The following EXOC4 variants were observed in gnomAD, a reference collection of about 807,000 sequenced individuals.
The protein encoded by EXOC4 is SEC8-like 1.
Under a neutral mutation model 107.2 loss-of-function variants are expected in EXOC4, and 71 were observed. That is an observed-to-expected ratio of 0.66 (90% CI 0.55 to 0.81). The LOEUF (loss-of-function observed/expected upper bound fraction) is 0.81. Ranked by LOEUF, EXOC4 falls within the 30% of genes least tolerant of loss-of-function variation. The pLI, the probability that EXOC4 is intolerant of heterozygous loss-of-function variation, is 0.00. For synonymous variants in EXOC4, 456 were observed against 441.2 expected, an observed-to-expected ratio of 1.03 and a Z score of -0.42; for missense variants, 1,108 against 1,189.6, an observed-to-expected ratio of 0.93 and a Z score of 1.01.
intron 14 of EXOC4, among the ~76,000 whole-genome samples, chr7:133,948,874 CAACAT>C (rs1038810201): frequency 2.0e-5 from 3 of 152,184 alleles, no homozygotes; most frequent in African/African-American, 7.2e-5. Context: ...TCTGGAAAAA[CAACAT>C]AATCACCTAT....
chr7:133,939,198 G>A (rs932182987), intron 14 of EXOC4, among the ~76,000 whole-genome samples: 2 of 152,134 alleles, frequency 1.3e-5, no homozygotes, highest in Non-Finnish European at 2.9e-5. Context: ...ACATTATTTG[G>A]ACTGTACATG....
intron 13 of EXOC4, among the ~76,000 whole-genome samples, chr7:133,929,857 C>T (rs73156941): frequency 0.027 from 4,103 of 152,204 alleles, 79 homozygotes; most frequent in Non-Finnish European, 0.044. Context: ...CATTCCTCAT[C>T]CCTTCTCTTC....
chr7:133,744,447 C>T (rs1795633385), intron 10 of EXOC4, among the ~76,000 whole-genome samples: 1 of 152,082 alleles, frequency 6.6e-6, no homozygotes, highest in Admixed American at 6.6e-5. Flanking sequence ...TAAAAGAAAG[C>T]CTCTCTAGGG....
intron 7 of EXOC4, among the ~76,000 whole-genome samples, chr7:133,432,532 C>T (rs982167548): frequency 6.6e-6 from 1 of 152,010 alleles, no homozygotes; most frequent in African/African-American, 2.4e-5. Flanking sequence ...TATTCCTCTC[C>T]CCCCTTTATA....
chr7:133,619,865 A>G (rs1015077940), intron 9 of EXOC4, among the ~76,000 whole-genome samples: 2 of 152,132 alleles, frequency 1.3e-5, no homozygotes, highest in African/African-American at 4.8e-5. Flanking sequence ...ATGCCTTCTC[A>G]ATGATTCTTT....
chr7:133,352,385 C>T (rs561229699), intron 5 of EXOC4, among the ~76,000 whole-genome samples: 2 of 152,032 alleles, frequency 1.3e-5, no homozygotes, highest in East Asian at 1.9e-4. Flanking sequence ...TATCTTCTTA[C>T]TGTGTTGAGC....
intron 10 of EXOC4, among the ~76,000 whole-genome samples, chr7:133,738,875 T>C (rs575007635): frequency 1.1e-4 from 17 of 152,256 alleles, no homozygotes; most frequent in African/African-American, 3.1e-4. Flanking sequence ...CTGAAATGAA[T>C]ATGCTCTAGA....
intron 9 of EXOC4, among the ~76,000 whole-genome samples, chr7:133,494,718 C>T (rs1360979839): frequency 1.3e-5 from 2 of 152,172 alleles, no homozygotes; most frequent in East Asian, 3.9e-4. Context: ...AGAATTTGGT[C>T]TAACTTATTC....
intron 13 of EXOC4, among the ~76,000 whole-genome samples, chr7:133,919,673 T>A (rs1563057292): frequency 6.6e-6 from 1 of 152,200 alleles, no homozygotes; most frequent in African/African-American, 2.4e-5. Context: ...TGCTTAGCAA[T>A]GTGCATTTAA....
At chr7:133,296,963 G>C in intron 3 of EXOC4, among the ~76,000 whole-genome samples, 1 of 152,146 alleles carries the variant, frequency 6.6e-6, no homozygotes, top group East Asian at 1.9e-4. Context: ...CAATATGCAG[G>C]CAACATTGGA....
intron 10 of EXOC4, among the ~76,000 whole-genome samples, chr7:133,735,901 G>A (rs570546019): frequency 6.6e-6 from 1 of 151,936 alleles, no homozygotes; most frequent in Non-Finnish European, 1.5e-5. Flanking sequence ...CTGGGCAACA[G>A]GGCGAAATTC....
At chr7:133,354,818 A>G (rs1299193749) in intron 5 of EXOC4, among the ~76,000 whole-genome samples, 3 of 152,188 alleles carry the variant, frequency 2.0e-5, no homozygotes, top group Non-Finnish European at 4.4e-5. Context: ...GCTGTAATTG[A>G]AATCGACCAC....
At chr7:133,989,925 G>A (rs1794210034) in intron 14 of EXOC4, among the ~76,000 whole-genome samples, 1 of 152,158 alleles carries the variant, frequency 6.6e-6, no homozygotes, top group South Asian at 2.1e-4. Flanking sequence ...TTGACAAGTG[G>A]TACCGCAAGC....
chr7:133,359,157 T>G (rs1483338439), intron 6 of EXOC4, among the ~76,000 whole-genome samples: 1 of 152,200 alleles, frequency 6.6e-6, no homozygotes, highest in African/African-American at 2.4e-5. Context: ...GATCAAAGAT[T>G]AAATTTTGGG....
intron 10 of EXOC4, among the ~76,000 whole-genome samples, chr7:133,638,577 G>C (rs1802770029): frequency 6.6e-6 from 1 of 152,088 alleles, no homozygotes; most frequent in Admixed American, 6.6e-5. Context: ...TTAGACGAAT[G>C]CCACCCCTCC....
intron 10 of EXOC4, among the ~76,000 whole-genome samples, chr7:133,663,932 G>A (rs1454040380): frequency 6.6e-6 from 1 of 152,032 alleles, no homozygotes; most frequent in Non-Finnish European, 1.5e-5. Context: ...TGTTTTACAG[G>A]GCCCTAAATA....
At chr7:133,309,925 A>G (rs926128936) in intron 4 of EXOC4, among the ~76,000 whole-genome samples, 1 of 152,118 alleles carries the variant, frequency 6.6e-6, no homozygotes, top group Non-Finnish European at 1.5e-5. Context: ...GGGTGACAGA[A>G]CAAGACTCCA....
rs181620149 is a variant in EXOC4, at chr7:133,529,091, C to T, written c.1417+48953C>T. On this transcript the variant is annotated intron_variant, in intron 9 of 17. Transcript: ENST00000253861. ...TTCCTGAGATCTAAAGTATCCCTTTCGTTACCACCTAGTGTTCTCTTCCTT... is the reference window on the plus strand; with the variant it reads ...TTCCTGAGATCTAAAGTATCCCTTTTGTTACCACCTAGTGTTCTCTTCCTT... Among the ~76,000 whole-genome samples the T allele has an allele frequency of 8.0e-4, 122 of 152,248 alleles. 1 individual carries two copies. Among genetic ancestry groups the T allele is most frequent in the Non-Finnish European group, 1.6e-3 (108 of 68,022 alleles).
At chr7:133,966,387 G>A (rs758258732) in intron 14 of EXOC4, among the ~76,000 whole-genome samples, 1 of 152,144 alleles carries the variant, frequency 6.6e-6, no homozygotes, top group South Asian at 2.1e-4. Flanking sequence ...GTGAGAGAGG[G>A]CATCCTTGTC....
Sources: gnomAD v4.1 joint callset for allele counts (sites outside exome capture counted in the v4.1 genomes callset) on GRCh38, gnomAD v4.1.1 for gene constraint, MANE v1.5 for transcripts, NCBI Gene and HGNC (gene_info 2026-07-23, HGNC 2026-07-21) for gene names.